Variants in CNKSR2 observed in about 807,000 individuals in gnomAD.
The protein encoded by CNKSR2 is connector enhancer of kinase suppressor of Ras 2.
CNKSR2 carries 14 observed loss-of-function variants against 84.4 expected under a neutral mutation model. The observed-to-expected ratio is 0.17, with a 90% confidence interval of 0.11 to 0.26. CNKSR2 has a LOEUF of 0.26. Among genes scored for constraint, CNKSR2 ranks in the 10% least tolerant of loss-of-function variants. The pLI, the probability that CNKSR2 is intolerant of heterozygous loss-of-function variation, is 1.00. For synonymous variants in CNKSR2, 275 were observed against 277.9 expected (o/e 0.99, Z 0.10); for missense variants, 485 against 771.2 (o/e 0.63, Z 4.40).
At chrX:21,537,713 G>A (rs757068061) in intron 11 of CNKSR2, among the ~76,000 whole-genome samples, 1 of 108,062 alleles carries the variant, frequency 9.3e-6, no homozygotes, top group Non-Finnish European at 1.9e-5. Flanking sequence ...ATCTTTTTCT[G>A]TCTTTTTACT....
At chrX:21,488,617 G>A (rs187900951) in intron 5 of CNKSR2, among the ~76,000 whole-genome samples, 41 of 111,708 alleles carry the variant, frequency 3.7e-4, no homozygotes, top group African/African-American at 1.2e-3. Context: ...AATTTAGCAT[G>A]ACAGTTTCTT....
chrX:21,600,410 A>G (rs1400817157), intron 17 of CNKSR2, among the ~76,000 whole-genome samples: 1 of 112,502 alleles, frequency 8.9e-6, no homozygotes, highest in Admixed American at 9.4e-5. Flanking sequence ...AGCTAGCTTG[A>G]AATGTAGGTT....
intron 17 of CNKSR2, among the ~76,000 whole-genome samples, 169 bp from the exon 18 acceptor site, chrX:21,601,113 A>G (rs932503489): frequency 1.1e-4 from 12 of 112,259 alleles, no homozygotes; most frequent in African/African-American, 3.6e-4. Context: ...TTTGTACTAT[A>G]GCAAATTGTA....
At chrX:21,603,860 T>C (rs2092499028) in intron 18 of CNKSR2, among the ~76,000 whole-genome samples, 1 of 112,034 alleles carries the variant, frequency 8.9e-6, no homozygotes. Flanking sequence ...CTTTTTTTTT[T>C]CAAATTATCC....
At chrX:21,618,189 A>G (rs1230050004) in intron 20 of CNKSR2, among the ~76,000 whole-genome samples, 2 of 111,344 alleles carry the variant, frequency 1.8e-5, no homozygotes, top group East Asian at 2.9e-4. Flanking sequence ...GCTTCAAGTT[A>G]TAAAACACTG....
In CNKSR2 at chrX:21,474,860, GTATT is replaced by G. The variant is rs772187839; in HGVS notation, c.561+4057_561+4060del. 1.1e-4 allele frequency among the ~76,000 whole-genome samples: 12 copies of G among 112,133 alleles called. No homozygotes were observed. The Admixed American group carries it at 1.1e-3, about 11-fold the overall frequency. On this transcript the variant is annotated intron_variant, in intron 5 of 21. Coordinates refer to ENST00000379510, the MANE Select transcript of CNKSR2 (RefSeq NM_014927.5). Reference sequence around the variant, plus strand: ...CATAACTTTTGTGTAAAAAAGCAGTGTATTTATAGTGAAGAAAATAATTTCAAGA... The same window carrying G: ...CATAACTTTTGTGTAAAAAAGCAGTGTATAGTGAAGAAAATAATTTCAAGA...
chrX:21,621,762 T>A (rs2092602737), intron 20 of CNKSR2, among the ~76,000 whole-genome samples: 1 of 110,899 alleles, frequency 9.0e-6, no homozygotes, highest in Non-Finnish European at 1.9e-5. Flanking sequence ...CCTCTTCCCT[T>A]CCAACTTAGA....
At chrX:21,563,200 G>C in intron 12 of CNKSR2, 38 bp from the exon 13 acceptor site, 1 of 1,034,483 alleles carries the variant, frequency 9.7e-7, no homozygotes. Context: ...TGGGGTATTT[G>C]TGTATTTATA....
At chrX:21,472,393 A>T (rs1179789287) in intron 5 of CNKSR2, among the ~76,000 whole-genome samples, 1 of 111,802 alleles carries the variant, frequency 8.9e-6, no homozygotes, top group Non-Finnish European at 1.9e-5. Flanking sequence ...CAAGTTTCTC[A>T]GGAGTAATCT....
At chrX:21,522,805 T>G (rs2091798135) in intron 9 of CNKSR2, among the ~76,000 whole-genome samples, 1 of 110,852 alleles carries the variant, frequency 9.0e-6, no homozygotes, top group African/African-American at 3.3e-5. Context: ...TTAAGCTGGA[T>G]GAGTAAGATA....
At chrX:21,485,124 A>C (rs2091368021) in intron 5 of CNKSR2, among the ~76,000 whole-genome samples, 1 of 111,359 alleles carries the variant, frequency 9.0e-6, no homozygotes, top group Non-Finnish European at 1.9e-5. Context: ...TGGAGGTGGC[A>C]GTGAGCCAAG....
chrX:21,407,336 C>G (rs895050412), intron 1 of CNKSR2, among the ~76,000 whole-genome samples: 2 of 111,360 alleles, frequency 1.8e-5, no homozygotes, highest in Non-Finnish European at 3.8e-5. Context: ...GGAATATACT[C>G]TATGTGTTGG....
chrX:21,374,630 A>AGCAGCAGCAGCCGCCGCCGCCGCCGCC lies in CNKSR2; in HGVS notation c.-266_-265insAGCAGCAGCCGCCGCCGCCGCCGCCGC. 1 of 448,647 alleles carries AGCAGCAGCAGCCGCCGCCGCCGCCGCC rather than the reference A, an allele frequency of 2.2e-6. No homozygotes were observed. The highest frequency in any genetic ancestry group is 2.8e-5 in the African/African-American group (1 of 35,802). 37.0% of individuals were successfully genotyped at this position (448,647 alleles called of 1,213,427 possible). ...CAGCAGCAGCAGCAGCAGCAGCAGC[A>AGCAGCAGCAGCCGCCGCCGCCGCCGCC]GCCGCCGCCGCCGCCGCCTTAGCGG... is the stretch of plus-strand genomic sequence containing the variant. On this transcript the variant is annotated 5_prime_UTR_variant, in exon 1 of 22. Transcript: ENST00000379510.
At position 21,540,987 on chromosome X, in the gene CNKSR2, TG is replaced by T. The variant is rs1387729503; in HGVS notation, c.1303+8921del. ...AGAAAAATATTTGAAAATATCTGGT[TG>T]TTTTTTTTTTTTGAGATGGAGTCTT... is the stretch of plus-strand genomic sequence containing the variant. On this transcript the variant is annotated intron_variant, in intron 11 of 21. Transcript: ENST00000379510. Among the ~76,000 whole-genome samples the T allele has an allele frequency of 7.9e-4, 86 of 109,512 alleles. 1 individual carries two copies. Among genetic ancestry groups the T allele is most frequent in the African/African-American group, 1.9e-3 (57 of 29,491 alleles).
chrX:21,475,853 G>A (rs1417985179), intron 5 of CNKSR2, among the ~76,000 whole-genome samples: 2 of 111,259 alleles, frequency 1.8e-5, no homozygotes, highest in Non-Finnish European at 3.8e-5. Flanking sequence ...TTGGATTTGG[G>A]AATATTTGCA....
chrX:21,376,837 C>T (rs938305848), intron 1 of CNKSR2, among the ~76,000 whole-genome samples: 3 of 111,672 alleles, frequency 2.7e-5, no homozygotes, highest in Non-Finnish European at 5.6e-5. Flanking sequence ...ACTCAGTCTC[C>T]ACCTCCCACC....
At chrX:21,465,636 C>T (rs180997323) in intron 4 of CNKSR2, among the ~76,000 whole-genome samples, 113 of 110,607 alleles carry the variant, frequency 1.0e-3, no homozygotes, top group African/African-American at 3.5e-3. Flanking sequence ...AAATTTATGG[C>T]ATTTATAAAG....
chrX:21,374,816 G>A lies in CNKSR2; in HGVS notation c.-82G>A. The A allele has an allele frequency of 1.1e-6, 1 of 882,538 alleles. No homozygotes were observed. Among genetic ancestry groups the A allele is most frequent in the Non-Finnish European group, 1.7e-6 (1 of 596,037 alleles). 72.7% of individuals were successfully genotyped at this position (882,538 alleles called of 1,213,427 possible). A position where few individuals can be genotyped will look rare whatever the true frequency, so the allele number is the denominator to read the frequency against. ...CCCAGGGAGGCTGCGGCCAGCAAGG[G>A]ACCCCACCTGAGAGCAGCTCGGGCT... On this transcript the variant is annotated 5_prime_UTR_variant, in exon 1 of 22. Transcript: ENST00000379510.
rs200936630 is a variant in CNKSR2 at position 21,632,990 on chromosome X, TACACAC to T, written c.2693-15811_2693-15806del. Reference sequence around the variant, plus strand: ...CATGTGTATACACACTTATATAATATACACACACACACACACACACACACACACACA... The same window carrying T: ...CATGTGTATACACACTTATATAATATACACACACACACACACACACACACA... On this transcript the variant is annotated intron_variant, in intron 20 of 21. Coordinates refer to ENST00000379510, the MANE Select transcript of CNKSR2 (RefSeq NM_014927.5). Among the ~76,000 whole-genome samples, 1,581 of 100,627 alleles carry T rather than the reference TACACAC, an allele frequency of 0.016. 73 individuals carry two copies. The East Asian group carries it at 0.23, about 15-fold the overall frequency. The allele number at this position is 100,627 out of a possible 115,157, so 87.4% of individuals were successfully genotyped here.
Sources: allele counts gnomAD v4.1 joint callset (sites outside exome capture counted in the v4.1 genomes callset), GRCh38; gene constraint gnomAD v4.1.1; transcripts MANE v1.5; gene names NCBI Gene and HGNC (gene_info 2026-07-23, HGNC 2026-07-21).